ZNF616: variants seen among roughly 807,000 people sequenced by gnomAD.
ZNF616 encodes the protein zinc finger protein 616.
ZNF616 carries 5 observed loss-of-function variants against 7.6 expected under a neutral mutation model. That is an observed-to-expected ratio of 0.66 (90% CI 0.34 to 1.38). The LOEUF is 1.38. Ranked by LOEUF, ZNF616 falls within the 40% of genes most tolerant of loss-of-function variation. The pLI, the probability that ZNF616 is intolerant of heterozygous loss-of-function variation, is 0.04. For synonymous variants in ZNF616, 319 were observed against 317.2 expected (o/e 1.01, Z -0.06); for missense variants, 913 against 948.3 (o/e 0.96, Z 0.49).
intron 2 of ZNF616, among the ~76,000 whole-genome samples, chr19:52,130,176 G>C (rs1230979609): frequency 6.6e-6 from 1 of 152,060 alleles, no homozygotes; most frequent in African/African-American, 2.4e-5. Flanking sequence ...TCCAGATGTG[G>C]CCCCTAAACA....
intron 3 of ZNF616, among the ~76,000 whole-genome samples, chr19:52,120,959 T>C (rs1243895901): frequency 6.6e-6 from 1 of 152,316 alleles, no homozygotes; most frequent in Non-Finnish European, 1.5e-5. Flanking sequence ...CTAACCTACA[T>C]ATGCACAACG....
chr19:52,136,250 G>T (rs1356371677), intron 1 of ZNF616, among the ~76,000 whole-genome samples: 1 of 152,030 alleles, frequency 6.6e-6, no homozygotes, highest in East Asian at 1.9e-4. Flanking sequence ...GGAAGCCGAG[G>T]CGGGCAGATC....
At chr19:52,123,508 C>T (rs1165798783) in intron 3 of ZNF616, among the ~76,000 whole-genome samples, 2 of 151,968 alleles carry the variant, frequency 1.3e-5, no homozygotes, top group Non-Finnish European at 2.9e-5. Flanking sequence ...GGCACGCACG[C>T]ATAATTCCAG....
Position 52,114,907 on chromosome 19 carries a change from AT to A in ZNF616, c.2256del (p.Lys752AsnfsTer14). ...KKPYKCNECG[K>X]SFICRSGLTK... ...GTGAGGCCTGAGCGACAAATAAAAGATTTCCCACACTCATTACATTTATAAG... is the reference window on the plus strand; with the variant it reads ...GTGAGGCCTGAGCGACAAATAAAAGATTCCCACACTCATTACATTTATAAG... On this transcript the variant is annotated frameshift_variant, in exon 4 of 4. Coordinates refer to ENST00000600228, the MANE Select transcript of ZNF616 (RefSeq NM_178523.5). LOFTEE classifies it low-confidence loss of function (END_TRUNC). 1 of 1,614,032 alleles carries A rather than the reference AT, an allele frequency of 6.2e-7. No individual in the cohort carries two copies.
In ZNF616 at chr19:52,116,106, T is replaced by C. The variant is rs756744398; in HGVS notation, c.1058A>G (p.Tyr353Cys). The C allele has an allele frequency of 1.2e-6, 2 of 1,614,214 alleles. No individual in the cohort carries two copies. Among genetic ancestry groups the C allele is most frequent in the South Asian group, 1.1e-5 (1 of 91,084 alleles). Reference sequence around the variant, plus strand: ...TGCCTTGCCACATACATCACATTTATATGGTTTCTTTCCTGCATGGATTAC... The same window carrying C: ...TGCCTTGCCACATACATCACATTTACATGGTTTCTTTCCTGCATGGATTAC... ...HQVIHAGKKPYKCDVCGKAFR... is the reference protein window; with the variant it reads ...HQVIHAGKKPCKCDVCGKAFR... The change falls in exon 4 of 4, where the codon TAT (tyrosine) becomes TGT (cysteine). Residue 353 changes from tyrosine (Y) to cysteine (C), a missense_variant. Tyr to Cys is a radical substitution (Grantham distance 194, BLOSUM62 -2). Transcript: ENST00000600228.
At chr19:52,126,323 T>C (rs1206986224) in intron 2 of ZNF616, among the ~76,000 whole-genome samples, 2 of 152,140 alleles carry the variant, frequency 1.3e-5, no homozygotes, top group African/African-American at 4.8e-5. Flanking sequence ...AGAGCAGGAA[T>C]TCGAGACCAG....
At chr19:52,130,457 A>G (rs767232732) in intron 2 of ZNF616, 44 bp downstream of exon 2, 1 of 1,536,372 alleles carries the variant, frequency 6.5e-7, no homozygotes, top group East Asian at 2.2e-5. Flanking sequence ...AGACAGAATG[A>G]CCCACCAAGA....
rs1423521217 is a variant in ZNF616, at chr19:52,114,780, T to G, written c.*38A>C. On this transcript the variant is annotated 3_prime_UTR_variant, in exon 4 of 4. Transcript: ENST00000600228. ...TAAATATACAAGGTATATCAGTAAGTAGGAATTATTCGGTGATTCCAGAAA... is the reference window on the plus strand; with the variant it reads ...TAAATATACAAGGTATATCAGTAAGGAGGAATTATTCGGTGATTCCAGAAA... 3 of 1,529,482 alleles carry G rather than the reference T, an allele frequency of 2.0e-6. No homozygotes were observed. Among genetic ancestry groups the G allele is most frequent in the Non-Finnish European group, 2.6e-6 (3 of 1,143,172 alleles). The allele number at this position is 1,529,482 out of a possible 1,614,324, so 94.7% of individuals were successfully genotyped here. A position where few individuals can be genotyped will look rare whatever the true frequency, so the allele number is the denominator to read the frequency against.
At chr19:52,133,035 AGGAAAAGAAATACATT>A (rs1322583474) in intron 1 of ZNF616, among the ~76,000 whole-genome samples, 5 of 152,240 alleles carry the variant, frequency 3.3e-5, no homozygotes, top group Admixed American at 3.3e-4. Flanking sequence ...AGACTAAAGC[AGGAAAAGAAATACATT>A]GGATTTAGAA....
At chr19:52,133,101 AG>A (rs2088974371) in intron 1 of ZNF616, among the ~76,000 whole-genome samples, 1 of 152,252 alleles carries the variant, frequency 6.6e-6, no homozygotes. Flanking sequence ...TAAAGTTATC[AG>A]TGGAATGGTG....
At chr19:52,129,734 T>C (rs2088941136) in intron 2 of ZNF616, among the ~76,000 whole-genome samples, 2 of 151,990 alleles carry the variant, frequency 1.3e-5, no homozygotes, top group African/African-American at 2.4e-5. Context: ...CAGCTTCAAA[T>C]GTAGTATAAA....
rs537798928 is a variant in ZNF616 at position 52,139,734 on chromosome 19, G to A, written c.-79C>T. On this transcript the variant is annotated splice_region_variant and 5_prime_UTR_variant, in exon 1 of 4. Coordinates refer to ENST00000600228, the MANE Select transcript of ZNF616 (RefSeq NM_178523.5). The surrounding 1 kb of genome is among the most constrained non-coding windows in gnomAD (Gnocchi z 4.1). ...AGGGAAGCAATTCTCGGACTTACGTGGGGAGAAGTGCCTGTTGCAGGGGCG... is the reference window on the plus strand; with the variant it reads ...AGGGAAGCAATTCTCGGACTTACGTAGGGAGAAGTGCCTGTTGCAGGGGCG... The A allele has an allele frequency of 1.3e-5, 2 of 152,508 alleles. No homozygotes were observed. The highest frequency in any genetic ancestry group is 1.9e-4 in the East Asian group (1 of 5,180). The allele number at this position is 152,508 out of a possible 1,614,324, so 9.4% of individuals were successfully genotyped here.
rs922891192 is a variant in ZNF616 at position 52,118,424 on chromosome 19, C to T, written c.140-1400G>A. ...CTGCTTTGATATAAAGACTTAATGT[C>T]TGCCAAAATTCCTATGTTGAGGACC... is the stretch of plus-strand genomic sequence containing the variant. On this transcript the variant is annotated intron_variant, in intron 3 of 3. Transcript: ENST00000600228. Among the ~76,000 whole-genome samples, 9 of 152,336 alleles carry T rather than the reference C, an allele frequency of 5.9e-5. 1 individual carries two copies. Among genetic ancestry groups the T allele is most frequent in the South Asian group, 2.1e-4 (1 of 4,828 alleles).
chr19:52,116,729 C>T lies in ZNF616; in HGVS notation c.435G>A (p.Glu145=). Residue 145 remains glutamate (E), a synonymous_variant, in exon 4 of 4, where the codon GAG becomes GAA. Coordinates refer to ENST00000600228, the MANE Select transcript of ZNF616 (RefSeq NM_178523.5). ...CTTTCTGCAGTTCAGCCAGACGTGA[C>T]TCAAAGTTTGATGTAAGCTGGTTTT... ...HIENQLTSNF[E]SRLAELQKVQ... 7.4e-6 allele frequency: 12 copies of T among 1,614,108 alleles called. No homozygotes were observed. The highest frequency in any genetic ancestry group is 1.0e-5 in the Non-Finnish European group (12 of 1,180,026).
chr19:52,115,310 G>A lies in ZNF616; in HGVS notation c.1854C>T (p.Ser618=). ...HECGKAFNQG[S]TLNRHQRIHT... ...GAATTCTCTGATGTCTATTGAGTGT[G>A]GAGCCCTGATTAAAGGCTTTGCCAC... Residue 618 remains serine (S), a synonymous_variant, in exon 4 of 4, where the codon TCC becomes TCT. Coordinates refer to ENST00000600228, the MANE Select transcript of ZNF616 (RefSeq NM_178523.5). 1 of 1,612,976 alleles carries A rather than the reference G, an allele frequency of 6.2e-7. No individual in the cohort carries two copies.
rs149598613 is a variant in ZNF616, at chr19:52,115,974, G to C, written c.1190C>G (p.Ala397Gly). ...TACAGTGTGAATTCGTCGATGCACT[G>C]CAAGACTTGAACGTTTACTGAAGAC... ...GKVFSKRSSL[A>G]VHRRIHTVEK... The change falls in exon 4 of 4, where the codon GCA becomes GGA. Residue 397 changes from alanine (A) to glycine (G), a missense_variant. Coordinates refer to ENST00000600228, the MANE Select transcript of ZNF616 (RefSeq NM_178523.5). 1.2e-6 allele frequency: 2 copies of C among 1,614,018 alleles called. No individual in the cohort carries two copies. The highest frequency in any genetic ancestry group is 1.7e-6 in the Non-Finnish European group (2 of 1,180,012).
Position 52,132,875 on chromosome 19 carries a change from A to G in ZNF616, c.-76-2287T>C, listed in dbSNP as rs114746961. ...AGATGAGATGATGAGGAAAGACAGT[A>G]GGTGTGGACAGAGATAAGAAGAGGT... On this transcript the variant is annotated intron_variant, in intron 1 of 3. Transcript: ENST00000600228. 7.6e-3 allele frequency among the ~76,000 whole-genome samples: 1,156 copies of G among 152,320 alleles called. 22 individuals are homozygous for G. The highest frequency in any genetic ancestry group is 0.026 in the African/African-American group (1,081 of 41,572).
chr19:52,128,292 G>C (rs1230792217), intron 2 of ZNF616, among the ~76,000 whole-genome samples: 2 of 151,978 alleles, frequency 1.3e-5, no homozygotes, highest in Non-Finnish European at 2.9e-5. Context: ...TGGACTGTGA[G>C]GAGGTTTCAT....
Position 52,137,354 on chromosome 19 carries a change from C to T in ZNF616, c.-77+2378G>A, listed in dbSNP as rs540321439. ...AGGAGAATGGTGTGAACCCGGGAGGCGGAGCTTGCAGTGAGCCGAGATCAC... is the reference window on the plus strand; with the variant it reads ...AGGAGAATGGTGTGAACCCGGGAGGTGGAGCTTGCAGTGAGCCGAGATCAC... On this transcript the variant is annotated intron_variant, in intron 1 of 3. Coordinates refer to ENST00000600228, the MANE Select transcript of ZNF616 (RefSeq NM_178523.5). Among the ~76,000 whole-genome samples, 4 of 149,726 alleles carry T rather than the reference C, an allele frequency of 2.7e-5. No individual in the cohort carries two copies. In the East Asian group the frequency reaches 5.9e-4, roughly 22 times the overall value.
Sources: gnomAD v4.1 joint callset for allele counts (sites outside exome capture counted in the v4.1 genomes callset) on GRCh38, gnomAD v4.1.1 for gene constraint, Gnocchi (gnomAD v3.1) non-coding constraint, MANE v1.5 for transcripts, NCBI Gene and HGNC (gene_info 2026-07-23, HGNC 2026-07-21) for gene names.